TBC1D32: variants seen among roughly 807,000 people sequenced by gnomAD.
TBC1D32 encodes protein broad-minded.
Under a neutral mutation model 170.3 loss-of-function variants are expected in TBC1D32, and 151 were observed. The observed-to-expected ratio is 0.89, with a 90% CI of 0.78 to 1.01. TBC1D32 has a LOEUF of 1.01. Among genes scored for constraint, TBC1D32 ranks in the 50% least tolerant of loss-of-function variants. The pLI is 0.00. For missense variants in TBC1D32, 1,464 were observed against 1,457.1 expected (o/e 1.00, Z -0.08); for synonymous variants, 498 against 488.0 (o/e 1.02, Z -0.27).
At chr6:121,201,239 A>G (rs542974267) in intron 22 of TBC1D32, among the ~76,000 whole-genome samples, 9 of 64,200 alleles carry the variant, frequency 1.4e-4, no homozygotes, top group African/African-American at 2.7e-4. Flanking sequence ...ACATTTTTAA[A>G]TTGTAAATTT....
intron 30 of TBC1D32, among the ~76,000 whole-genome samples, chr6:121,105,708 G>GT (rs1778610726): frequency 6.6e-6 from 1 of 151,942 alleles, no homozygotes; most frequent in Admixed American, 6.6e-5. Flanking sequence ...AACAATGCTG[G>GT]TAAGAATTCT....
chr6:121,321,832 C>A, intron 1 of TBC1D32, 38 bp from the exon 2 acceptor site: 1 of 1,547,252 alleles, frequency 6.5e-7, no homozygotes, highest in Non-Finnish European at 8.7e-7. Flanking sequence ...CGGTAAATAT[C>A]ATAAGCATAT....
intron 30 of TBC1D32, among the ~76,000 whole-genome samples, chr6:121,098,451 G>A (rs937660889): frequency 1.3e-5 from 2 of 151,810 alleles, no homozygotes; most frequent in African/African-American, 2.4e-5. Context: ...AATGACCTCC[G>A]CAAGTCAATT....
At chr6:121,150,164 C>CT (rs1159281139) in intron 24 of TBC1D32, among the ~76,000 whole-genome samples, 1 of 152,112 alleles carries the variant, frequency 6.6e-6, no homozygotes, top group Non-Finnish European at 1.5e-5. Flanking sequence ...ATAAATAACT[C>CT]TTATTATTTT....
At chr6:121,284,456 G>A (rs550556535) in intron 12 of TBC1D32, among the ~76,000 whole-genome samples, 33 of 152,164 alleles carry the variant, frequency 2.2e-4, no homozygotes, top group Non-Finnish European at 3.5e-4. Flanking sequence ...AACTTTGTGT[G>A]CACTAAAATT....
intron 12 of TBC1D32, among the ~76,000 whole-genome samples, chr6:121,289,838 A>G (rs1804538728): frequency 1.3e-5 from 2 of 152,162 alleles, no homozygotes; most frequent in South Asian, 4.1e-4. Flanking sequence ...CCTCAGAAAT[A>G]ATGCCGCATA....
chr6:121,281,576 G>T lies in TBC1D32; in HGVS notation c.1576C>A (p.Gln526Lys). ...CCTTTCATTAAATTGTGAATAGGCT[G>T]AAGAAGTGTCTCTATTACAATGTTG... ...YNNIVIETLL[Q>K]PIHNLMKGNE... is the part of the protein sequence containing the mutation. Residue 526 changes from glutamine (Q) to lysine (K), a missense_variant, in exon 14 of 32, where the codon CAG (glutamine) becomes AAG (lysine). Coordinates refer to ENST00000398212, the MANE Select transcript of TBC1D32 (RefSeq NM_152730.6). The T allele has an allele frequency of 6.2e-7, 1 of 1,606,068 alleles. No individual in the cohort carries two copies. The highest frequency in any genetic ancestry group is 1.3e-5 in the African/African-American group (1 of 74,634).
intron 22 of TBC1D32, among the ~76,000 whole-genome samples, chr6:121,188,720 T>C (rs915974352): frequency 5.3e-5 from 8 of 152,186 alleles, no homozygotes; most frequent in African/African-American, 1.9e-4. Context: ...TTACTCTTCA[T>C]TCTTAAAAAC....
intron 15 of TBC1D32, among the ~76,000 whole-genome samples, chr6:121,263,008 G>A (rs1334570963): frequency 2.6e-5 from 4 of 152,028 alleles, no homozygotes; most frequent in African/African-American, 9.7e-5. Flanking sequence ...ACATTATGAA[G>A]AAACTGGATT....
At chr6:121,125,421 A>G (rs1455963927) in intron 26 of TBC1D32, among the ~76,000 whole-genome samples, 1 of 152,130 alleles carries the variant, frequency 6.6e-6, no homozygotes, top group Non-Finnish European at 1.5e-5. Flanking sequence ...AGGTCTCTGT[A>G]TAAGGAAGAC....
intron 24 of TBC1D32, among the ~76,000 whole-genome samples, chr6:121,153,585 G>A (rs1562685005): frequency 6.6e-6 from 1 of 152,098 alleles, no homozygotes; most frequent in Non-Finnish European, 1.5e-5. Context: ...TGCTGTAGCT[G>A]CACCCACAAC....
chr6:121,329,648 G>A (rs1039784583), intron 1 of TBC1D32, among the ~76,000 whole-genome samples: 7 of 151,036 alleles, frequency 4.6e-5, no homozygotes, highest in South Asian at 2.1e-4. Flanking sequence ...GTGAGACATC[G>A]TCTCAAAAAA....
At chr6:121,231,588 T>G (rs1253189267) in intron 20 of TBC1D32, among the ~76,000 whole-genome samples, 1 of 152,170 alleles carries the variant, frequency 6.6e-6, no homozygotes, top group East Asian at 1.9e-4. Flanking sequence ...CATCTATTTT[T>G]TTTTCATTTT....
chr6:121,208,858 G>A (rs1792674983), intron 21 of TBC1D32, among the ~76,000 whole-genome samples: 1 of 150,912 alleles, frequency 6.6e-6, no homozygotes, highest in African/African-American at 2.4e-5. Context: ...ATAAATTTTT[G>A]TGATTTAAAG....
chr6:121,128,748 C>T (rs1334751237), intron 25 of TBC1D32, among the ~76,000 whole-genome samples: 2 of 152,090 alleles, frequency 1.3e-5, no homozygotes, highest in Admixed American at 6.6e-5. Flanking sequence ...AAAACTAAGG[C>T]AGACTGTTCA....
At chr6:121,216,454 C>T (rs1247143065) in intron 21 of TBC1D32, among the ~76,000 whole-genome samples, 3 of 152,056 alleles carry the variant, frequency 2.0e-5, no homozygotes, top group African/African-American at 7.3e-5. Context: ...GATTTTGGTA[C>T]CAGGAGTAGT....
intron 15 of TBC1D32, among the ~76,000 whole-genome samples, chr6:121,268,324 AG>A (rs1312130460): frequency 3.3e-5 from 5 of 152,176 alleles, no homozygotes; most frequent in Admixed American, 1.3e-4. Flanking sequence ...AAGCTAAAGG[AG>A]GATGTTCAAA....
chr6:121,217,958 G>A (rs1794036114), intron 21 of TBC1D32, among the ~76,000 whole-genome samples: 1 of 152,160 alleles, frequency 6.6e-6, no homozygotes, highest in Non-Finnish European at 1.5e-5. Flanking sequence ...CATACACTGA[G>A]AAAAACAGGA....
intron 31 of TBC1D32, among the ~76,000 whole-genome samples, chr6:121,088,695 C>T (rs1776499447): frequency 6.6e-6 from 1 of 152,082 alleles, no homozygotes; most frequent in South Asian, 2.1e-4. Flanking sequence ...ATCAAAAAAA[C>T]ATTTGTCCTA....
Sources: allele counts gnomAD v4.1 joint callset (sites outside exome capture counted in the v4.1 genomes callset), GRCh38; gene constraint gnomAD v4.1.1; transcripts MANE v1.5; gene names NCBI Gene and HGNC (gene_info 2026-07-23, HGNC 2026-07-21).